Variants in KDM4B observed in about 807,000 individuals in gnomAD.
KDM4B encodes lysine demethylase 4B.
KDM4B carries 32 observed loss-of-function variants against 125.2 expected under a neutral mutation model. The ratio of observed to expected loss-of-function variants is 0.26; its 90% CI spans 0.19 to 0.34. The LOEUF is 0.34. Ranked by LOEUF, KDM4B falls within the 10% of genes least tolerant of loss-of-function variation. The probability of loss-of-function intolerance (pLI) is 1.00; values close to 1 mark genes in which losing one functional copy is unlikely to be tolerated. For synonymous variants in KDM4B, 721 were observed against 677.9 expected (o/e 1.06, Z -0.99); for missense variants, 1,190 against 1,577.7 (o/e 0.75, Z 4.16).
At chr19:5,058,872 C>T (rs1371182866) in intron 6 of KDM4B, among the ~76,000 whole-genome samples, 2 of 152,234 alleles carry the variant, frequency 1.3e-5, no homozygotes, top group African/African-American at 2.4e-5. Flanking sequence ...CTGTGGCATG[C>T]CAGGCGAGTC....
chr19:5,042,552 A>G (rs2145674856), intron 5 of KDM4B, among the ~76,000 whole-genome samples: 2 of 152,218 alleles, frequency 1.3e-5, no homozygotes, highest in Middle Eastern at 6.8e-3. Flanking sequence ...TAGTGAATAA[A>G]GAAAAGGTTT....
chr19:5,068,002 C>G (rs538551807), intron 6 of KDM4B, among the ~76,000 whole-genome samples: 225 of 152,230 alleles, frequency 1.5e-3, no homozygotes, highest in Non-Finnish European at 2.2e-3. Flanking sequence ...TTTACAGCCC[C>G]GAGAAATTGC....
At chr19:5,123,348 G>T (rs2039395815) in intron 11 of KDM4B, among the ~76,000 whole-genome samples, 1 of 152,232 alleles carries the variant, frequency 6.6e-6, no homozygotes, top group African/African-American at 2.4e-5. Context: ...GACCCAGGAG[G>T]ACCTCTCCCA....
intron 6 of KDM4B, among the ~76,000 whole-genome samples, chr19:5,054,489 TGC>T (rs1374792681): frequency 1.7e-5 from 2 of 116,138 alleles, no homozygotes; most frequent in South Asian, 2.9e-4. Context: ...TGTGTGTGTG[TGC>T]GCGCGCATGC....
chr19:5,147,920 G>A (rs1321874403), intron 21 of KDM4B, among the ~76,000 whole-genome samples: 2 of 152,138 alleles, frequency 1.3e-5, no homozygotes, highest in African/African-American at 4.8e-5. Flanking sequence ...CTGTGTGGTG[G>A]CCAAGGAGAT....
In KDM4B at chr19:5,030,261, C is replaced by T. The variant is rs138141482; in HGVS notation, c.-25-2605C>T. 5.4e-4 allele frequency among the ~76,000 whole-genome samples: 83 copies of T among 152,322 alleles called. 1 individual carries two copies. Among genetic ancestry groups the T allele is most frequent in the African/African-American group, 1.6e-3 (68 of 41,564 alleles). Reference sequence around the variant, plus strand: ...AGCTGGGACCACAGGTGTGTGCCACCGTGCCTAGCGCTTTCCTGTCGTACA... The same window carrying T: ...AGCTGGGACCACAGGTGTGTGCCACTGTGCCTAGCGCTTTCCTGTCGTACA... On this transcript the variant is annotated intron_variant, in intron 2 of 22. Coordinates refer to ENST00000159111, the MANE Select transcript of KDM4B (RefSeq NM_015015.3).
chr19:5,115,583 C>T lies in KDM4B; in HGVS notation c.1116-4070C>T, dbSNP rs999311475. 7.9e-5 allele frequency among the ~76,000 whole-genome samples: 12 copies of T among 152,242 alleles called. No individual in the cohort carries two copies. The highest frequency in any genetic ancestry group is 1.3e-4 in the Non-Finnish European group (9 of 68,052). On this transcript the variant is annotated intron_variant, in intron 10 of 22. Coordinates refer to ENST00000159111, the MANE Select transcript of KDM4B (RefSeq NM_015015.3). This position sits in a 1 kb window ranked among gnomAD's most constrained non-coding sequence, Gnocchi z 4.2. ...TTGGCACCGTGCACAGAGGGATCAA[C>T]GGCCAGGGGACCCGACACATTGGAG... is the stretch of plus-strand genomic sequence containing the variant.
chr19:5,047,195 TC>T, intron 5 of KDM4B: 1 of 409,258 alleles, frequency 2.4e-6, no homozygotes, highest in South Asian at 3.9e-5. Context: ...TCCCAGGTAC[TC>T]AGGAGACTGA....
intron 1 of KDM4B, among the ~76,000 whole-genome samples, chr19:4,973,599 G>A (rs915668372): frequency 1.3e-5 from 2 of 152,152 alleles, no homozygotes; most frequent in Admixed American, 1.3e-4. Flanking sequence ...TTGACGAATT[G>A]ATGTTTCTTG....
At chr19:5,132,642 C>A (rs543000245) in intron 13 of KDM4B, among the ~76,000 whole-genome samples, 8 of 152,214 alleles carry the variant, frequency 5.3e-5, no homozygotes, top group South Asian at 2.1e-4. Context: ...GGGGCCCCCG[C>A]GGGCTGGCTT....
intron 6 of KDM4B, among the ~76,000 whole-genome samples, chr19:5,053,620 C>A (rs2037301224): frequency 5.9e-5 from 9 of 152,230 alleles, no homozygotes; most frequent in Admixed American, 5.9e-4. Context: ...TCCCTGGGAG[C>A]CGTATCCTTG....
At chr19:5,029,156 C>A (rs1448351548) in intron 2 of KDM4B, among the ~76,000 whole-genome samples, 4 of 152,264 alleles carry the variant, frequency 2.6e-5, no homozygotes, top group Admixed American at 6.5e-5. Context: ...AGTGATCTTC[C>A]TGCCTTGGCC....
chr19:5,077,813 A>C, intron 8 of KDM4B: 3 of 273,566 alleles, frequency 1.1e-5, no homozygotes, highest in African/African-American at 2.2e-5. Flanking sequence ...CTGCCAAAGA[A>C]ACAGAGGGCA....
intron 21 of KDM4B, among the ~76,000 whole-genome samples, chr19:5,146,755 C>G (rs993264056): frequency 3.3e-5 from 2 of 59,750 alleles, no homozygotes; most frequent in South Asian, 7.1e-4. Context: ...AGTGAGACCC[C>G]CCCCCCCCCC....
intron 9 of KDM4B, among the ~76,000 whole-genome samples, chr19:5,086,045 T>C (rs1009562724): frequency 2.6e-5 from 4 of 152,032 alleles, no homozygotes; most frequent in Non-Finnish European, 4.4e-5. Context: ...CCGGCCCAGC[T>C]CCCCTGTCCC....
At chr19:5,015,302 C>T (rs1199917661) in intron 1 of KDM4B, among the ~76,000 whole-genome samples, 3 of 151,986 alleles carry the variant, frequency 2.0e-5, no homozygotes, top group East Asian at 2.0e-4. Flanking sequence ...GGTTGGAGTG[C>T]GTGCAATGGC....
In KDM4B at chr19:5,115,034, C is replaced by T. The variant is rs559015935; in HGVS notation, c.1115+4216C>T. On this transcript the variant is annotated intron_variant, in intron 10 of 22. Transcript: ENST00000159111. The surrounding 1 kb of genome is among the most constrained non-coding windows in gnomAD (Gnocchi z 4.2). ...ACACCAGAGAGTGAAGTGCAGAGAA[C>T]GGGAGAGGGGGCAGTGGCAGCTGAG... Among the ~76,000 whole-genome samples, 3 of 152,186 alleles carry T rather than the reference C, an allele frequency of 2.0e-5. No individual in the cohort carries two copies. The highest frequency in any genetic ancestry group is 4.4e-5 in the Non-Finnish European group (3 of 68,038).
At chr19:5,020,639 A>G (rs551788347) in intron 2 of KDM4B, among the ~76,000 whole-genome samples, 1 of 152,300 alleles carries the variant, frequency 6.6e-6, no homozygotes, top group South Asian at 2.1e-4. Flanking sequence ...GTCCCACTGC[A>G]GCTGCAAGTC....
chr19:5,089,880 C>G (rs1218864579), intron 9 of KDM4B, among the ~76,000 whole-genome samples: 1 of 152,040 alleles, frequency 6.6e-6, no homozygotes, highest in East Asian at 1.9e-4. Flanking sequence ...GAGTTAAAAA[C>G]CAAACAAAAG....
Sources: allele counts gnomAD v4.1 joint callset (sites outside exome capture counted in the v4.1 genomes callset), GRCh38; gene constraint gnomAD v4.1.1; non-coding constraint Gnocchi (gnomAD v3.1); transcripts MANE v1.5; gene names NCBI Gene and HGNC (gene_info 2026-07-23, HGNC 2026-07-21).